The following DNAJB12 variants were observed in gnomAD, a reference collection of about 807,000 sequenced individuals.
DNAJB12 encodes the protein dnaJ homolog subfamily B member 12.
DNAJB12 carries 14 observed loss-of-function variants against 40.6 expected under a neutral mutation model. That is an observed-to-expected ratio of 0.34 (90% CI 0.23 to 0.54). The LOEUF (loss-of-function observed/expected upper bound fraction) is 0.54, where lower values mean the gene tolerates loss of function less well. Among genes scored for constraint, DNAJB12 ranks in the 20% least tolerant of loss-of-function variants. The pLI is 0.92. For synonymous variants in DNAJB12, 181 were observed against 199.5 expected, an observed-to-expected ratio of 0.91 and a Z score of 0.78; for missense variants, 444 against 501.7, an observed-to-expected ratio of 0.89 and a Z score of 1.10.
At position 72,343,383 on chromosome 10, in the gene DNAJB12, G is replaced by A; in HGVS notation, c.440C>T (p.Ala147Val). The A allele has an allele frequency of 6.2e-7, 1 of 1,613,648 alleles. No individual in the cohort carries two copies. The highest frequency in any genetic ancestry group is 8.5e-7 in the Non-Finnish European group (1 of 1,179,800). Residue 147 changes from alanine to valine, a missense_variant, in exon 3 of 9, where the codon GCC (alanine) becomes GTC (valine). Physicochemically the swap from Ala to Val is moderately conservative, Grantham distance 64. Transcript: ENST00000444643. The stretch of plus-strand genomic sequence containing the variant: ...TGGCTTACCTTTGAAGGCTTCAGTG[G>A]CACCAGGTGCGTGGTTCTTGTCTGG... ...FHPDKNHAPG[A>V]TEAFKAIGTA... is the part of the protein sequence containing the mutation.
At chr10:72,336,454 C>G (rs945072626) in intron 7 of DNAJB12, 70 bp downstream of exon 7, 10 of 1,513,514 alleles carry the variant, frequency 6.6e-6, no homozygotes, top group Middle Eastern at 2.4e-4. Flanking sequence ...GGGCTCTCTC[C>G]TTCCCCTGCT....
At chr10:72,344,263 T>C (rs1309761604) in intron 2 of DNAJB12, among the ~76,000 whole-genome samples, 1 of 152,344 alleles carries the variant, frequency 6.6e-6, no homozygotes. Flanking sequence ...GCCGACTCAG[T>C]GAAGTACAGA....
At chr10:72,338,801 A>G (rs1018685437) in intron 5 of DNAJB12, among the ~76,000 whole-genome samples, 6 of 152,118 alleles carry the variant, frequency 3.9e-5, no homozygotes, top group Admixed American at 1.3e-4. Flanking sequence ...CCCCATCTCT[A>G]CAAAAAATAA....
At chr10:72,353,869 AGTG>A (rs984234039) in intron 1 of DNAJB12, 31 of 152,294 alleles carry the variant, frequency 2.0e-4, no homozygotes, top group African/African-American at 7.2e-4. Flanking sequence ...CGGTTTACTG[AGTG>A]GTGATCACAA....
chr10:72,348,755 A>C (rs1861862475), intron 1 of DNAJB12, among the ~76,000 whole-genome samples: 1 of 152,242 alleles, frequency 6.6e-6, no homozygotes, highest in South Asian at 2.1e-4. Context: ...GCAAACCCTG[A>C]GAGGGTGCTT....
Position 72,333,029 on chromosome 10 carries a change from A to G in DNAJB12, c.*1619T>C, listed in dbSNP as rs2131971271. On this transcript the variant is annotated 3_prime_UTR_variant, in exon 9 of 9. Transcript: ENST00000444643. ...CACAGTGGGTAGGCACTCTGGCCAC[A>G]TCAGTTCTTATAATCTCTCTGGGCT... is the stretch of plus-strand genomic sequence containing the variant. 6.5e-6 allele frequency: 1 copy of G among 152,788 alleles called. No homozygotes were observed. The highest frequency in any genetic ancestry group is 3.4e-3 in the Middle Eastern group (1 of 294). The allele number at this position is 152,788 out of a possible 1,614,324, so 9.5% of individuals were successfully genotyped here. A position where few individuals can be genotyped will look rare whatever the true frequency, so the allele number is the denominator to read the frequency against.
chr10:72,337,774 C>T (rs911932938), intron 6 of DNAJB12, among the ~76,000 whole-genome samples: 25 of 151,946 alleles, frequency 1.6e-4, no homozygotes, highest in African/African-American at 5.3e-4. Flanking sequence ...CAACCAGAGC[C>T]GAGGAGCAGA....
At chr10:72,349,649 A>T (rs1179910327) in intron 1 of DNAJB12, among the ~76,000 whole-genome samples, 1 of 152,166 alleles carries the variant, frequency 6.6e-6, no homozygotes, top group Non-Finnish European at 1.5e-5. Flanking sequence ...CAGTTATTCA[A>T]CTACCAGAGA....
rs1323753308 is a variant in DNAJB12 at position 72,343,509 on chromosome 10, A to G, written c.314T>C (p.Val105Ala). 6 of 1,613,654 alleles carry G rather than the reference A, an allele frequency of 3.7e-6. No homozygotes were observed. The highest frequency in any genetic ancestry group is 5.1e-6 in the Non-Finnish European group (6 of 1,179,912). ...CTCATAGTAATCTTTACATTGCTTG[A>G]CCCTGGGGAAGGAGGAGACCATGGT... ...TAEQVAAVKR[V>A]KQCKDYYEIL... is the part of the protein sequence containing the mutation. Residue 105 changes from valine (V) to alanine (A), a missense_variant and splice_region_variant, in exon 3 of 9, where the codon GTC (valine) becomes GCC (alanine). Physicochemically the swap from Val to Ala is moderately conservative, Grantham distance 64. Coordinates refer to ENST00000444643, the MANE Select transcript of DNAJB12 (RefSeq NM_017626.7).
intron 1 of DNAJB12, chr10:72,354,386 A>C: frequency 4.9e-6 from 1 of 202,310 alleles, no homozygotes; most frequent in Non-Finnish European, 1.0e-5. Context: ...ATTTTCCTGA[A>C]CTGTAATATT....
chr10:72,345,893 CA>C (rs1247241424), intron 1 of DNAJB12, among the ~76,000 whole-genome samples: 5,659 of 61,790 alleles, frequency 0.092, 70 homozygotes, highest in South Asian at 0.17. Context: ...GGATCTGTCT[CA>C]AAAAAAAAAA....
chr10:72,339,192 G>C (rs1728241004), intron 5 of DNAJB12, among the ~76,000 whole-genome samples: 2 of 149,492 alleles, frequency 1.3e-5, no homozygotes, highest in Admixed American at 6.7e-5. Context: ...GCCTGGGAGG[G>C]GAGGCTCCTG....
chr10:72,343,764 T>A (rs1028036235), intron 2 of DNAJB12, among the ~76,000 whole-genome samples: 14 of 152,006 alleles, frequency 9.2e-5, no homozygotes, highest in Non-Finnish European at 4.4e-5. Context: ...TAGGAGGGCA[T>A]CTGTGGGGTT....
At chr10:72,341,195 G>T (rs1861629997) in intron 3 of DNAJB12, 25 bp from the exon 4 acceptor site, 1 of 1,593,294 alleles carries the variant, frequency 6.3e-7, no homozygotes, top group Non-Finnish European at 8.6e-7. Context: ...GAAAGGTCAG[G>T]CCTGAGGATC....
intron 6 of DNAJB12, among the ~76,000 whole-genome samples, chr10:72,337,126 C>A (rs576749037): frequency 3.3e-5 from 5 of 152,172 alleles, no homozygotes; most frequent in Admixed American, 2.0e-4. Context: ...AGGAAGGGCT[C>A]CAGGGAGCCT....
chr10:72,350,618 TAGTA>T (rs1350215565), intron 1 of DNAJB12, among the ~76,000 whole-genome samples: 1 of 152,042 alleles, frequency 6.6e-6, no homozygotes, highest in Non-Finnish European at 1.5e-5. Flanking sequence ...GTGACTTTGT[TAGTA>T]AGTGAGTAGC....
chr10:72,353,356 C>A (rs1861981143), intron 1 of DNAJB12: 1 of 152,268 alleles, frequency 6.6e-6, no homozygotes, highest in Non-Finnish European at 1.5e-5. Flanking sequence ...GGTGTCCTGG[C>A]AAATACAGCC....
chr10:72,337,668 G>A lies in DNAJB12; in HGVS notation c.833+534C>T, dbSNP rs1003259700. Among the ~76,000 whole-genome samples, 6 of 152,156 alleles carry A rather than the reference G, an allele frequency of 3.9e-5. No homozygotes were observed. In the South Asian group the frequency reaches 1.2e-3, roughly 32 times the overall value. ...AAACCAAGGTTATATAACTTGTTTA[G>A]GGTCACACAGCTTCTTAGTGGAGAA... On this transcript the variant is annotated intron_variant, in intron 6 of 8. Transcript: ENST00000444643.
chr10:72,342,503 C>A (rs977941907), intron 3 of DNAJB12, among the ~76,000 whole-genome samples: 30 of 152,194 alleles, frequency 2.0e-4, no homozygotes, highest in African/African-American at 7.0e-4. Flanking sequence ...TTGCTTCCCC[C>A]CACTCCCACT....
Sources: gnomAD v4.1 joint callset for allele counts (sites outside exome capture counted in the v4.1 genomes callset) on GRCh38, gnomAD v4.1.1 for gene constraint, MANE v1.5 for transcripts, NCBI Gene and HGNC (gene_info 2026-07-23, HGNC 2026-07-21) for gene names.